CHSY1: variants seen among roughly 807,000 people sequenced by gnomAD.
CHSY1 encodes N-acetylgalactosaminyl-proteoglycan 3-beta-glucuronosyltransferase 1.
A neutral mutation model predicts 59.8 loss-of-function variants in CHSY1; 13 were observed. The observed-to-expected ratio is 0.22, with a 90% CI of 0.14 to 0.35. CHSY1 has a LOEUF of 0.35. Ranked by LOEUF, CHSY1 falls within the 10% of genes least tolerant of loss-of-function variation. CHSY1 has a pLI of 1.00. For synonymous variants in CHSY1, 459 were observed against 401.2 expected (o/e 1.14, Z -1.72); for missense variants, 947 against 1,030.6 (o/e 0.92, Z 1.11).
Position 101,201,307 on chromosome 15 carries a change from AG to A in CHSY1, c.817-22328del, listed in dbSNP as rs2038572048. Among the ~76,000 whole-genome samples the A allele has an allele frequency of 5.9e-5, 9 of 152,352 alleles. No homozygotes were observed. In the South Asian group the frequency reaches 1.4e-3, roughly 25 times the overall value. On this transcript the variant is annotated intron_variant, in intron 2 of 2. Coordinates refer to ENST00000254190, the MANE Select transcript of CHSY1 (RefSeq NM_014918.5). ...TAATGAGGCTGGTGGTTAAAGAAGG[AG>A]TTGCCTATTACTCCCCCGACCCTCA...
Position 101,176,446 on chromosome 15 carries a change from T to C in CHSY1, c.*942A>G, listed in dbSNP as rs1596417231. 5.0e-6 allele frequency: 2 copies of C among 398,546 alleles called. No homozygotes were observed. The highest frequency in any genetic ancestry group is 7.1e-5 in the East Asian group (2 of 28,040). 24.7% of individuals were successfully genotyped at this position (398,546 alleles called of 1,614,324 possible). A position where few individuals can be genotyped will look rare whatever the true frequency, so the allele number is the denominator to read the frequency against. On this transcript the variant is annotated 3_prime_UTR_variant, in exon 3 of 3. Coordinates refer to ENST00000254190, the MANE Select transcript of CHSY1 (RefSeq NM_014918.5). ...TTTGTCATTCTAAACATTAATATTTTACCCTTTAAAGAGAAGGGTCAAGAA... is the reference window on the plus strand; with the variant it reads ...TTTGTCATTCTAAACATTAATATTTCACCCTTTAAAGAGAAGGGTCAAGAA...
At chr15:101,228,706 T>C (rs1267983902) in intron 2 of CHSY1, among the ~76,000 whole-genome samples, 2 of 152,180 alleles carry the variant, frequency 1.3e-5, no homozygotes, top group Non-Finnish European at 2.9e-5. Flanking sequence ...TCTAGCAAAC[T>C]TGCTCTATGA....
At chr15:101,213,421 A>C (rs562291882) in intron 2 of CHSY1, among the ~76,000 whole-genome samples, 1 of 150,432 alleles carries the variant, frequency 6.6e-6, no homozygotes, top group East Asian at 1.9e-4. Flanking sequence ...TCGAAACTGG[A>C]AAAAAAAATT....
At chr15:101,230,359 G>C (rs1380245577) in intron 2 of CHSY1, among the ~76,000 whole-genome samples, 1 of 152,152 alleles carries the variant, frequency 6.6e-6, no homozygotes, top group Non-Finnish European at 1.5e-5. Flanking sequence ...AGTGAGGAAG[G>C]AACTACTGGA....
Position 101,175,886 on chromosome 15 carries a change from T to G in CHSY1, c.*1502A>C, listed in dbSNP as rs1321918441. ...TATTTACAAATACGCAGCCCTCCAA[T>G]GACGTGTATTAAAATGGCAAGTCTA... On this transcript the variant is annotated 3_prime_UTR_variant, in exon 3 of 3. Coordinates refer to ENST00000254190, the MANE Select transcript of CHSY1 (RefSeq NM_014918.5). The G allele has an allele frequency of 1.2e-5, 2 of 173,718 alleles. No individual in the cohort carries two copies. The highest frequency in any genetic ancestry group is 2.4e-5 in the African/African-American group (1 of 42,398). The allele number at this position is 173,718 out of a possible 1,614,324, so 10.8% of individuals were successfully genotyped here. A position where few individuals can be genotyped will look rare whatever the true frequency, so the allele number is the denominator to read the frequency against.
chr15:101,237,182 C>A (rs1361520158), intron 1 of CHSY1, among the ~76,000 whole-genome samples: 2 of 148,118 alleles, frequency 1.4e-5, no homozygotes, highest in Non-Finnish European at 3.0e-5. Flanking sequence ...CGAGATCGCA[C>A]CACTGCACTC....
At chr15:101,249,143 C>T (rs959153968) in intron 1 of CHSY1, among the ~76,000 whole-genome samples, 2 of 151,722 alleles carry the variant, frequency 1.3e-5, no homozygotes, top group African/African-American at 4.8e-5. Context: ...ATTAGGCCCC[C>T]CACTGATTTG....
rs140045066 is a variant in CHSY1, at chr15:101,235,421, G to A, written c.477C>T (p.His159=). 4.6e-4 allele frequency: 742 copies of A among 1,614,030 alleles called. No individual in the cohort carries two copies. Among genetic ancestry groups the A allele is most frequent in the Non-Finnish European group, 6.1e-4 (716 of 1,180,026 alleles). Residue 159 remains histidine, a synonymous_variant, in exon 2 of 3, where the codon CAC becomes CAT. Transcript: ENST00000254190. ...TAAACCATTCATACTTGTCCAAGTAGTGGTCGTGCATGTACTTGAGCATCA... is the reference window on the plus strand; with the variant it reads ...TAAACCATTCATACTTGTCCAAGTAATGGTCGTGCATGTACTTGAGCATCA... ...SFMMLKYMHD[H]YLDKYEWFMR... is the part of the protein sequence containing the mutation.
chr15:101,218,760 C>A (rs550837803), intron 2 of CHSY1, among the ~76,000 whole-genome samples: 2 of 152,306 alleles, frequency 1.3e-5, no homozygotes, highest in Admixed American at 6.5e-5. Flanking sequence ...GCCTCAAAAA[C>A]AAACCCCTCT....
In CHSY1 at chr15:101,251,500, G is replaced by C; in HGVS notation, c.-44C>G. 2.2e-5 allele frequency: 1 copy of C among 44,842 alleles called. No individual in the cohort carries two copies. Among genetic ancestry groups the C allele is most frequent in the Non-Finnish European group, 2.8e-5 (1 of 36,132 alleles). 2.8% of individuals were successfully genotyped at this position (44,842 alleles called of 1,614,324 possible). On this transcript the variant is annotated 5_prime_UTR_variant, in exon 1 of 3. Transcript: ENST00000254190. ...GCCGGGCCGCCGCCGCAGGCTCCGC[G>C]CGCCCTCAGCCCGCTGCCCCCGCCC...
At chr15:101,215,814 T>C (rs1472257692) in intron 2 of CHSY1, among the ~76,000 whole-genome samples, 2 of 152,236 alleles carry the variant, frequency 1.3e-5, no homozygotes, top group African/African-American at 2.4e-5. Flanking sequence ...AGCTTGTTAA[T>C]ATTCATCTAG....
intron 1 of CHSY1, among the ~76,000 whole-genome samples, chr15:101,247,792 G>A (rs1184008624): frequency 6.6e-6 from 1 of 152,192 alleles, no homozygotes; most frequent in African/African-American, 2.4e-5. Flanking sequence ...GGTCTAGAAA[G>A]TAAAAATGTG....
chr15:101,188,138 T>C (rs995468254), intron 2 of CHSY1: 2 of 985,470 alleles, frequency 2.0e-6, no homozygotes, highest in Non-Finnish European at 2.4e-6. Context: ...AGACCATCAC[T>C]GCTACAGAGC....
intron 2 of CHSY1, among the ~76,000 whole-genome samples, chr15:101,199,077 C>G (rs2038541408): frequency 1.3e-5 from 2 of 152,222 alleles, no homozygotes; most frequent in African/African-American, 4.8e-5. Context: ...TCCCTGCTCC[C>G]ACTGCTGCTG....
chr15:101,182,089 T>C (rs1172127327), intron 2 of CHSY1, among the ~76,000 whole-genome samples: 1 of 152,216 alleles, frequency 6.6e-6, no homozygotes, highest in African/African-American at 2.4e-5. Context: ...GTATCTGAAA[T>C]GGATGGGCCA....
At chr15:101,186,074 G>A (rs1396976617) in intron 2 of CHSY1, among the ~76,000 whole-genome samples, 9 of 150,048 alleles carry the variant, frequency 6.0e-5, no homozygotes, top group Admixed American at 6.0e-4. Flanking sequence ...GTCAGGCCAG[G>A]CATGGTGGCT....
chr15:101,220,629 G>C (rs2038779226), intron 2 of CHSY1, among the ~76,000 whole-genome samples: 1 of 152,230 alleles, frequency 6.6e-6, no homozygotes, highest in African/African-American at 2.4e-5. Context: ...GAGCAGAGCA[G>C]AGGGACCCTC....
intron 2 of CHSY1, among the ~76,000 whole-genome samples, chr15:101,219,030 ACT>A (rs1034063886): frequency 7.2e-5 from 11 of 152,166 alleles, no homozygotes; most frequent in Admixed American, 6.5e-4. Flanking sequence ...CTGGATTAAA[ACT>A]CTGAATCTAT....
intron 2 of CHSY1, among the ~76,000 whole-genome samples, chr15:101,185,218 A>T (rs1017222922): frequency 1.3e-5 from 2 of 152,256 alleles, no homozygotes; most frequent in African/African-American, 4.8e-5. Flanking sequence ...AGAGCTCTTT[A>T]AGAACAGGAA....
Sources: allele counts gnomAD v4.1 joint callset (sites outside exome capture counted in the v4.1 genomes callset), GRCh38; gene constraint gnomAD v4.1.1; transcripts MANE v1.5; gene names NCBI Gene and HGNC (gene_info 2026-07-23, HGNC 2026-07-21).